The following MOV10L1 variants were observed in gnomAD, a reference collection of about 807,000 sequenced individuals.
The protein encoded by MOV10L1 is RNA helicase Mov10l1.
In MOV10L1, 110 loss-of-function variants were observed where a neutral mutation model predicts 143.8. That is an observed-to-expected ratio of 0.76 (90% CI 0.66 to 0.90). The LOEUF (loss-of-function observed/expected upper bound fraction) is 0.90, where lower values mean the gene tolerates loss of function less well. Ranked by LOEUF, MOV10L1 falls within the 40% of genes least tolerant of loss-of-function variation. The pLI, the probability that MOV10L1 is intolerant of heterozygous loss-of-function variation, is 0.00. For synonymous variants in MOV10L1, 593 were observed against 581.1 expected (o/e 1.02, Z -0.29); for missense variants, 1,406 against 1,526.8 (o/e 0.92, Z 1.32).
chr22:50,097,613 T>C (rs549574757), intron 2 of MOV10L1, among the ~76,000 whole-genome samples: 1 of 152,214 alleles, frequency 6.6e-6, no homozygotes, highest in Non-Finnish European at 1.5e-5. Flanking sequence ...TTGGTTTATA[T>C]TTCTGTCCTT....
At chr22:50,104,309 A>G (rs1047980312) in intron 3 of MOV10L1, among the ~76,000 whole-genome samples, 5 of 151,440 alleles carry the variant, frequency 3.3e-5, no homozygotes, top group Admixed American at 1.3e-4. Context: ...CCTTCTGTCT[A>G]CTCTCCCCCA....
intron 15 of MOV10L1, among the ~76,000 whole-genome samples, chr22:50,136,600 A>C (rs1186362263): frequency 6.6e-6 from 1 of 152,252 alleles, no homozygotes; most frequent in Non-Finnish European, 1.5e-5. Flanking sequence ...TGTCTAGGCC[A>C]GAGAGCACCA....
chr22:50,157,985 T>G, intron 22 of MOV10L1, 72 bp from the exon 23 acceptor site: 1 of 1,535,014 alleles, frequency 6.5e-7, no homozygotes, highest in South Asian at 1.2e-5. Context: ...AGCACCGACT[T>G]CAGCTCCTGG....
At chr22:50,145,413 GC>G (rs2063125511) in intron 18 of MOV10L1, among the ~76,000 whole-genome samples, 1 of 152,182 alleles carries the variant, frequency 6.6e-6, no homozygotes, top group Non-Finnish European at 1.5e-5. Context: ...CAGAGCAAGA[GC>G]AAGACTCCCT....
intron 10 of MOV10L1, among the ~76,000 whole-genome samples, chr22:50,121,960 A>AT (rs919938567): frequency 1.3e-4 from 20 of 151,950 alleles, no homozygotes; most frequent in Non-Finnish European, 2.5e-4. Context: ...TAGCATTGGA[A>AT]TTTTTTTTCC....
chr22:50,108,714 A>G lies in MOV10L1; in HGVS notation c.613A>G (p.Thr205Ala). 6.2e-7 allele frequency: 1 copy of G among 1,614,102 alleles called. No individual in the cohort carries two copies. The highest frequency in any genetic ancestry group is 8.5e-7 in the Non-Finnish European group (1 of 1,180,016). The change falls in exon 5 of 27, where the codon ACC becomes GCC. Residue 205 changes from threonine (T) to alanine (A), a missense_variant. Thr to Ala is a moderately conservative substitution (Grantham distance 58, BLOSUM62 0). Around this residue, in one of 3 missense-constraint regions of MOV10L1, gnomAD observed 1,233 missense variants for 1,351.4 expected, o/e 0.91. Coordinates refer to ENST00000262794, the MANE Select transcript of MOV10L1 (RefSeq NM_018995.3). ...NGVLEESIFF[T>A]LDSLKLPDGY... ...GGTGTTAGAGGAAAGCATCTTCTTT[A>G]CCTTGGACTCCTTGAAACTGCCAGA...
Position 50,097,599 on chromosome 22 carries a change from T to C in MOV10L1, c.283-1844T>C, listed in dbSNP as rs1014663893. Reference sequence around the variant, plus strand: ...GTTTATTTCTGGGTCTCTTTACTATTCCATTGGTTTATATTTCTGTCCTTA... The same window carrying C: ...GTTTATTTCTGGGTCTCTTTACTATCCCATTGGTTTATATTTCTGTCCTTA... On this transcript the variant is annotated intron_variant, in intron 2 of 26. Transcript: ENST00000262794. 3.3e-5 allele frequency among the ~76,000 whole-genome samples: 5 copies of C among 152,210 alleles called. No homozygotes were observed. In the South Asian group the frequency reaches 6.2e-4, roughly 19 times the overall value.
chr22:50,150,379 G>C (rs972592275), intron 20 of MOV10L1, among the ~76,000 whole-genome samples: 3 of 152,226 alleles, frequency 2.0e-5, no homozygotes, highest in African/African-American at 7.2e-5. Flanking sequence ...CCATGGGCAA[G>C]AGGCAAGGGG....
chr22:50,103,352 G>A (rs2061793306), intron 3 of MOV10L1, among the ~76,000 whole-genome samples: 1 of 152,210 alleles, frequency 6.6e-6, no homozygotes, highest in Non-Finnish European at 1.5e-5. Context: ...ATACACGAAT[G>A]TCTGGTAAAC....
chr22:50,160,296 G>A (rs1439244552), intron 24 of MOV10L1, among the ~76,000 whole-genome samples: 15 of 149,270 alleles, frequency 1.0e-4, no homozygotes, highest in African/African-American at 2.5e-5. Context: ...GCCCAGGCTG[G>A]AGTGCAGTGG....
intron 3 of MOV10L1, 141 bp downstream of exon 3, chr22:50,099,743 T>G (rs2062688599): frequency 1.0e-6 from 1 of 999,146 alleles, no homozygotes; most frequent in South Asian, 1.7e-5. Flanking sequence ...AGCCCAGGAG[T>G]TGGAGGCTGC....
intron 15 of MOV10L1, among the ~76,000 whole-genome samples, chr22:50,135,376 A>G (rs2062796039): frequency 6.6e-6 from 1 of 152,012 alleles, no homozygotes; most frequent in African/African-American, 2.4e-5. Context: ...GTGATTGTGT[A>G]TGCATGGAAA....
intron 13 of MOV10L1, among the ~76,000 whole-genome samples, chr22:50,131,700 T>C (rs562853308): frequency 9.0e-4 from 135 of 150,434 alleles, no homozygotes; most frequent in Non-Finnish European, 1.5e-3. Context: ...CTTTCTCCAA[T>C]GAATTACTAT....
chr22:50,142,747 G>A (rs1016998620), intron 16 of MOV10L1, among the ~76,000 whole-genome samples: 3 of 152,028 alleles, frequency 2.0e-5, no homozygotes, highest in Admixed American at 6.6e-5. Flanking sequence ...GACGTGGGAG[G>A]ATCGCTTGAG....
intron 17 of MOV10L1, 47 bp from the exon 18 acceptor site, chr22:50,144,050 T>C (rs2063066047): frequency 5.1e-6 from 8 of 1,583,404 alleles, no homozygotes; most frequent in Non-Finnish European, 6.1e-6. Context: ...GTTTCCACCT[T>C]GCGGTGTGGA....
Position 50,098,235 on chromosome 22 carries a change from T to TTAATAATAATTATTAAGATTAACA in MOV10L1, c.283-1206_283-1183dup, listed in dbSNP as rs1569268481. Among the ~76,000 whole-genome samples the TTAATAATAATTATTAAGATTAACA allele has an allele frequency of 2.7e-5, 4 of 149,500 alleles. No individual in the cohort carries two copies. The East Asian group carries it at 7.8e-4, about 29-fold the overall frequency. On this transcript the variant is annotated intron_variant, in intron 2 of 26. Transcript: ENST00000262794. ...ATAATTAAGTATTAAGATTAACATC[T>TTAATAATAATTATTAAGATTAACA]TAATAATAATTATTAAGATTAACAT...
chr22:50,122,470 T>A (rs1011639416), intron 10 of MOV10L1, among the ~76,000 whole-genome samples: 10 of 152,226 alleles, frequency 6.6e-5, no homozygotes, highest in African/African-American at 2.4e-4. Context: ...TTTCTACATA[T>A]AAAATTATGC....
At chr22:50,109,691 AAT>A in intron 5 of MOV10L1, 7 of 223,536 alleles carry the variant, frequency 3.1e-5, no homozygotes, top group Admixed American at 8.6e-5. Flanking sequence ...AAAAAAAAAA[AAT>A]TAGCCGAGCA....
chr22:50,116,635 C>CA (rs1467918824), intron 8 of MOV10L1, among the ~76,000 whole-genome samples: 1 of 142,496 alleles, frequency 7.0e-6, no homozygotes, highest in Non-Finnish European at 1.5e-5. Context: ...GTTAGGATTA[C>CA]AAAAAAGACT....
Sources: gnomAD v4.1 joint callset for allele counts (sites outside exome capture counted in the v4.1 genomes callset) on GRCh38, gnomAD v4.1.1 for gene constraint, gnomAD v4.1.1 regional missense constraint, MANE v1.5 for transcripts, NCBI Gene and HGNC (gene_info 2026-07-23, HGNC 2026-07-21) for gene names.